Variants in CACNA1H observed in about 807,000 individuals in gnomAD.
The protein encoded by CACNA1H is voltage-dependent T-type calcium channel subunit alpha-1H.
Under a neutral mutation model 192.5 loss-of-function variants are expected in CACNA1H, and 149 were observed. The observed-to-expected ratio is 0.77, with a 90% confidence interval of 0.68 to 0.89. The LOEUF is 0.89. CACNA1H is among the 40% of genes least tolerant of loss of function. The pLI is 0.00. For synonymous variants in CACNA1H, 2,202 were observed against 1,475.2 expected (o/e 1.49, Z -11.29); for missense variants, 4,257 against 3,423.5 (o/e 1.24, Z -6.08).
intron 2 of CACNA1H, among the ~76,000 whole-genome samples, chr16:1,194,702 C>A (rs1032603254): frequency 2.0e-5 from 3 of 152,176 alleles, no homozygotes; most frequent in African/African-American, 7.2e-5. Context: ...GCTCCTGCAC[C>A]CCGCTTTCCT....
Position 1,215,514 on chromosome 16 carries a change from C to G in CACNA1H, c.5174-9C>G. ...CCCAGCCCTGCTGACGCTCAGCTCC[C>G]GGCCCTAGTGCTGAAGCTGCTGAAG... On this transcript the variant is annotated splice_polypyrimidine_tract_variant and intron_variant, in intron 29 of 34. Transcript: ENST00000348261. 1.9e-6 allele frequency: 3 copies of G among 1,610,394 alleles called. No individual in the cohort carries two copies. Among genetic ancestry groups the G allele is most frequent in the Non-Finnish European group, 2.5e-6 (3 of 1,179,018 alleles).
At position 1,162,641 on chromosome 16, in the gene CACNA1H, G is replaced by GGC. The variant is rs1555500496; in HGVS notation, c.299+8606_299+8607insCG. ...CCAGCTCCTGCGGACACCTGGAGTG[G>GGC]GGGGGGGGGGTCCATCCTAGGAGGA... is the stretch of plus-strand genomic sequence containing the variant. On this transcript the variant is annotated intron_variant, in intron 2 of 34. Coordinates refer to ENST00000348261, the MANE Select transcript of CACNA1H (RefSeq NM_021098.3). Among the ~76,000 whole-genome samples the GGC allele has an allele frequency of 2.5e-4, 31 of 122,714 alleles. No individual in the cohort carries two copies. The Middle Eastern group carries it at 0.012, about 48-fold the overall frequency. 80.5% of individuals were successfully genotyped at this position (122,714 alleles called of 152,430 possible). A position where few individuals can be genotyped will look rare whatever the true frequency, so the allele number is the denominator to read the frequency against.
rs954860247 is a variant in CACNA1H at position 1,211,895 on chromosome 16, A to G, written c.4567-51A>G. 7.5e-6 allele frequency: 12 copies of G among 1,610,434 alleles called. No homozygotes were observed. The South Asian group carries it at 9.9e-5, about 13-fold the overall frequency. ...GGGGACTCGGGGGGCCATCCTGGGT[A>G]GGGCCCCTGGCGGGGCAGGCGGGCG... On this transcript the variant is annotated intron_variant, in intron 24 of 34. Transcript: ENST00000348261.
chr16:1,189,559 A>ACC (rs1966405165), intron 2 of CACNA1H, among the ~76,000 whole-genome samples: 1 of 149,330 alleles, frequency 6.7e-6, no homozygotes, highest in Non-Finnish European at 1.5e-5. Flanking sequence ...CTGCCACCGC[A>ACC]CCCCAAAATT....
intron 16 of CACNA1H, 93 bp downstream of exon 16, chr16:1,208,314 AC>A (rs1004515121): frequency 7.2e-6 from 6 of 835,042 alleles, no homozygotes; most frequent in South Asian, 1.5e-5. Flanking sequence ...TGAGGGCCGC[AC>A]CCCCCACACC....
rs1353005063 is a variant in CACNA1H at position 1,180,184 on chromosome 16, G to A, written c.300-14788G>A. ...CCTGTCCCTGCACACCGGGTCAGCC[G>A]GCTCCTGGGTGCACAGGCAGGTGGT... On this transcript the variant is annotated intron_variant, in intron 2 of 34. Coordinates refer to ENST00000348261, the MANE Select transcript of CACNA1H (RefSeq NM_021098.3). This position sits in a 1 kb window ranked among gnomAD's most constrained non-coding sequence, Gnocchi z 4.4. 6.6e-6 allele frequency among the ~76,000 whole-genome samples: 1 copy of A among 152,250 alleles called. No individual in the cohort carries two copies. Among genetic ancestry groups the A allele is most frequent in the Non-Finnish European group, 1.5e-5 (1 of 68,048 alleles).
rs1298216719 is a variant in CACNA1H, at chr16:1,180,449, G to C, written c.300-14523G>C. 1.3e-5 allele frequency among the ~76,000 whole-genome samples: 2 copies of C among 152,178 alleles called. No homozygotes were observed. ...CGAGGTCTGAAGGGAAATCCCCAGT[G>C]GTGGGACTGGAGGTGCCGTGGAGGG... On this transcript the variant is annotated intron_variant, in intron 2 of 34. Transcript: ENST00000348261. The surrounding 1 kb of genome is among the most constrained non-coding windows in gnomAD (Gnocchi z 4.4).
intron 5 of CACNA1H, among the ~76,000 whole-genome samples, chr16:1,197,982 G>C (rs371990339): frequency 1.3e-5 from 2 of 152,258 alleles, no homozygotes; most frequent in African/African-American, 4.8e-5. Flanking sequence ...CTCCTGAAAA[G>C]CCGCTGCCGG....
rs1234652343 is a variant in CACNA1H at position 1,202,350 on chromosome 16, G to A, written c.1900G>A (p.Gly634Arg). ...AGGCAGCACCAGCCCCGGACCCAAG[G>A]GGAAGTGGGCCGGTGGACCGCCAGG... ...GKGSTSPGPK[G>R]KWAGGPPGTG... Residue 634 changes from glycine to arginine, a missense_variant, in exon 9 of 35, where the codon GGG becomes AGG. Physicochemically the swap from Gly to Arg is moderately radical, Grantham distance 125 (BLOSUM62 -2). Coordinates refer to ENST00000348261, the MANE Select transcript of CACNA1H (RefSeq NM_021098.3). 1 of 1,569,532 alleles carries A rather than the reference G, an allele frequency of 6.4e-7. No homozygotes were observed. The highest frequency in any genetic ancestry group is 8.6e-7 in the Non-Finnish European group (1 of 1,159,554).
At chr16:1,186,786 C>G (rs115408677) in intron 2 of CACNA1H, among the ~76,000 whole-genome samples, 1 of 152,294 alleles carries the variant, frequency 6.6e-6, no homozygotes, top group African/African-American at 2.4e-5. Context: ...GCCCTTCTAG[C>G]TCTTCTGTAT....
intron 2 of CACNA1H, among the ~76,000 whole-genome samples, chr16:1,155,914 C>T (rs190018574): frequency 5.9e-5 from 9 of 152,218 alleles, no homozygotes; most frequent in Non-Finnish European, 1.3e-4. Flanking sequence ...AGGAGCTGTC[C>T]TTTTGGGCTT....
Position 1,167,575 on chromosome 16 carries a change from C to T in CACNA1H, c.299+13539C>T, listed in dbSNP as rs1371052670. Among the ~76,000 whole-genome samples the T allele has an allele frequency of 6.6e-6, 1 of 152,236 alleles. No individual in the cohort carries two copies. Among genetic ancestry groups the T allele is most frequent in the Non-Finnish European group, 1.5e-5 (1 of 68,040 alleles). On this transcript the variant is annotated intron_variant, in intron 2 of 34. Coordinates refer to ENST00000348261, the MANE Select transcript of CACNA1H (RefSeq NM_021098.3). This position sits in a 1 kb window ranked among gnomAD's most constrained non-coding sequence, Gnocchi z 4.2. Reference sequence around the variant, plus strand: ...CGAGGAAGGCTGGAGCCACACTCCTCACCGCGGCGGTGCCACTAATGGGGT... The same window carrying T: ...CGAGGAAGGCTGGAGCCACACTCCTTACCGCGGCGGTGCCACTAATGGGGT...
chr16:1,206,830 C>G (rs980636930), intron 12 of CACNA1H, 171 bp from the exon 13 acceptor site: 2 of 598,780 alleles, frequency 3.3e-6, no homozygotes, highest in Non-Finnish European at 6.0e-6. Context: ...CAGGAAGTCC[C>G]TTTTAAGCTA....
At chr16:1,198,332 C>A (rs577628267) in intron 5 of CACNA1H, among the ~76,000 whole-genome samples, 2 of 152,208 alleles carry the variant, frequency 1.3e-5, no homozygotes, top group African/African-American at 2.4e-5. Context: ...AAGCAGCAGA[C>A]CTGCTGCCCT....
intron 2 of CACNA1H, among the ~76,000 whole-genome samples, chr16:1,187,248 G>T (rs1418036004): frequency 6.6e-6 from 1 of 152,260 alleles, no homozygotes; most frequent in African/African-American, 2.4e-5. Context: ...GGGCAGAGCG[G>T]ACAGGGAGGG....
chr16:1,194,090 G>A (rs1003818454), intron 2 of CACNA1H, among the ~76,000 whole-genome samples: 3 of 152,100 alleles, frequency 2.0e-5, no homozygotes, highest in South Asian at 4.2e-4. Flanking sequence ...GCTGAGGCCT[G>A]TGGTCTGCGC....
Position 1,213,911 on chromosome 16 carries a change from G to A in CACNA1H, c.4909G>A (p.Glu1637Lys). ...TGTCAACGTCATCACCATGTCCATG[G>A]AGCACTATAACCAACCCAAGGTGGG... ...ICVNVITMSM[E>K]HYNQPKSLDE... Residue 1637 changes from glutamate to lysine, a missense_variant, in exon 27 of 35, where the codon GAG becomes AAG. Coordinates refer to ENST00000348261, the MANE Select transcript of CACNA1H (RefSeq NM_021098.3). 1 of 1,611,414 alleles carries A rather than the reference G, an allele frequency of 6.2e-7. No homozygotes were observed. Among genetic ancestry groups the A allele is most frequent in the Non-Finnish European group, 8.5e-7 (1 of 1,179,278 alleles).
In CACNA1H at chr16:1,221,370, G is replaced by A. The variant is rs570790552; in HGVS notation, c.*376G>A. The A allele has an allele frequency of 2.8e-4, 92 of 323,028 alleles. No homozygotes were observed. Among genetic ancestry groups the A allele is most frequent in the South Asian group, 1.2e-3 (20 of 16,516 alleles). 20.0% of individuals were successfully genotyped at this position (323,028 alleles called of 1,614,324 possible). ...CGCGTTGTTACAGGACACTCGCTGG[G>A]GGCCCTGTGCCCTTGCCGGCGGCAG... On this transcript the variant is annotated 3_prime_UTR_variant, in exon 35 of 35. Transcript: ENST00000348261.
rs896695448 is a variant in CACNA1H, at chr16:1,219,016, C to T, written c.5934C>T (p.Ser1978=). ...CTCCGCCCGCAGAGTCCTGTGCCTC[C>T]CTCCAGATCCCATTGGCTGTGTCGT... The part of the protein sequence containing the change: ...VHSPPAESCA[S]LQIPLAVSSP... Residue 1978 remains serine, a synonymous_variant, in exon 34 of 35, where the codon TCC becomes TCT. Transcript: ENST00000348261. 18 of 1,550,140 alleles carry T rather than the reference C, an allele frequency of 1.2e-5. No individual in the cohort carries two copies. The Admixed American group carries it at 2.7e-4, about 24-fold the overall frequency.
Sources: allele counts gnomAD v4.1 joint callset (sites outside exome capture counted in the v4.1 genomes callset), GRCh38; gene constraint gnomAD v4.1.1; non-coding constraint Gnocchi (gnomAD v3.1); transcripts MANE v1.5; gene names NCBI Gene and HGNC (gene_info 2026-07-23, HGNC 2026-07-21).